The following KEAP1 variants were observed in gnomAD, a reference collection of about 807,000 sequenced individuals.
KEAP1 encodes the protein kelch like ECH associated protein 1.
A neutral mutation model predicts 59.7 loss-of-function variants in KEAP1; 26 were observed. That is an observed-to-expected ratio of 0.44 (90% CI 0.32 to 0.60). The LOEUF (loss-of-function observed/expected upper bound fraction) is 0.60. Ranked by LOEUF, KEAP1 falls within the 20% of genes least tolerant of loss-of-function variation. The pLI, the probability that KEAP1 is intolerant of heterozygous loss-of-function variation, is 0.06. For missense variants in KEAP1, 539 were observed against 871.4 expected (o/e 0.62, Z 4.80); for synonymous variants, 350 against 358.3 (o/e 0.98, Z 0.26).
chr19:10,492,279 T>A lies in KEAP1; in HGVS notation c.640-17A>T. ...CTTGGCCACCTGCAGAGGGCGACAG[T>A]GGGACGGGCTGACTCTCCAGTCACC... On this transcript the variant is annotated splice_polypyrimidine_tract_variant and intron_variant, in intron 2 of 5. Transcript: ENST00000171111. 1 of 1,593,378 alleles carries A rather than the reference T, an allele frequency of 6.3e-7. No homozygotes were observed. Among genetic ancestry groups the A allele is most frequent in the Non-Finnish European group, 8.6e-7 (1 of 1,165,228 alleles).
chr19:10,489,195 G>C lies in KEAP1; in HGVS notation c.1705C>G (p.Leu569Val), dbSNP rs1433112931. ...ITVHQGRIYV[L>V]GGYDGHTFLD... ...TTCCCCGCCCCCAGGGCCTCACCAA[G>C]GACGTAGATTCTCCCCTGGTGGACA... The change falls in exon 5 of 6, where the codon CTT (leucine) becomes GTT (valine). Residue 569 changes from leucine to valine, a missense_variant. By Grantham distance (32) the Leu-to-Val change is conservative. This residue lies in a region of KEAP1 where 311 missense variants were observed against 425.2 expected (regional missense o/e 0.73). Coordinates refer to ENST00000171111, the MANE Select transcript of KEAP1 (RefSeq NM_203500.2). 1 of 1,611,072 alleles carries C rather than the reference G, an allele frequency of 6.2e-7. No homozygotes were observed. Among genetic ancestry groups the C allele is most frequent in the Non-Finnish European group, 8.5e-7 (1 of 1,179,514 alleles).
Position 10,491,797 on chromosome 19 carries a change from C to T in KEAP1, c.1105G>A (p.Val369Met), listed in dbSNP as rs2144598978. The stretch of plus-strand genomic sequence containing the variant: ...ACGGCGTACAACAGCCCGCCCACCA[C>T]GCAGCCGGCCAGGCCGCTCCGCGGC... ...QVPRSGLAGC[V>M]VGGLLYAVGG... The change falls in exon 3 of 6, where the codon GTG becomes ATG. Residue 369 changes from valine (V) to methionine (M), a missense_variant. By Grantham distance (21) the Val-to-Met change is conservative (BLOSUM62 1). Coordinates refer to ENST00000171111, the MANE Select transcript of KEAP1 (RefSeq NM_203500.2). This position sits in a 1 kb window ranked among gnomAD's most constrained non-coding sequence, Gnocchi z 5.2. 6.3e-7 allele frequency: 1 copy of T among 1,590,528 alleles called. No individual in the cohort carries two copies. Among genetic ancestry groups the T allele is most frequent in the Non-Finnish European group, 8.6e-7 (1 of 1,168,854 alleles).
intron 3 of KEAP1, 86 bp from the exon 4 acceptor site, chr19:10,489,939 C>CT (rs879324601): frequency 0.011 from 12,903 of 1,143,678 alleles, 2 homozygotes; most frequent in Non-Finnish European, 0.013. Context: ...CTTTTTTTTC[C>CT]TTTTTTTTTT....
At chr19:10,487,549 G>A (rs1247015785) in intron 5 of KEAP1, among the ~76,000 whole-genome samples, 1 of 151,976 alleles carries the variant, frequency 6.6e-6, no homozygotes, top group African/African-American at 2.4e-5. Flanking sequence ...TCAGCTACCT[G>A]GGAGACTGAG....
At chr19:10,494,933 C>A (rs946849854) in intron 2 of KEAP1, among the ~76,000 whole-genome samples, 1 of 151,294 alleles carries the variant, frequency 6.6e-6, no homozygotes, top group African/African-American at 2.4e-5. Context: ...GGATTACAGG[C>A]GTGAGCCAAC....
chr19:10,493,563 T>C (rs1363166132), intron 2 of KEAP1, among the ~76,000 whole-genome samples: 1 of 142,374 alleles, frequency 7.0e-6, no homozygotes, highest in Non-Finnish European at 1.5e-5. Flanking sequence ...AACTCTTTTT[T>C]TTTTTTTTTT....
rs569540759 is a variant in KEAP1, at chr19:10,500,119, G to A, written c.-47-39C>T. 1.6e-5 allele frequency: 23 copies of A among 1,412,568 alleles called. No homozygotes were observed. In the South Asian group the frequency reaches 3.2e-4, roughly 20 times the overall value. 87.5% of individuals were successfully genotyped at this position (1,412,568 alleles called of 1,614,324 possible). A position where few individuals can be genotyped will look rare whatever the true frequency, so the allele number is the denominator to read the frequency against. ...AGCACAGGGCAGAGGGCAGGGGTTG[G>A]GACTGGGCCAGCACCTGCCGGGCCT... On this transcript the variant is annotated intron_variant, in intron 1 of 5. Coordinates refer to ENST00000171111, the MANE Select transcript of KEAP1 (RefSeq NM_203500.2).
chr19:10,488,682 T>C (rs1242958081), intron 5 of KEAP1, among the ~76,000 whole-genome samples: 3 of 151,388 alleles, frequency 2.0e-5, no homozygotes, highest in African/African-American at 7.3e-5. Flanking sequence ...CCTCTAATCC[T>C]AGCACTTTGG....
chr19:10,489,534 G>T, intron 4 of KEAP1, 114 bp downstream of exon 4: 1 of 1,318,726 alleles, frequency 7.6e-7, no homozygotes. Flanking sequence ...GGGCTTCTGT[G>T]GTTACCCCAG....
rs767802613 is a variant in KEAP1, at chr19:10,491,606, G to A, written c.1296C>T (p.His432=). The A allele has an allele frequency of 3.2e-6, 5 of 1,579,382 alleles. No individual in the cohort carries two copies. Among genetic ancestry groups the A allele is most frequent in the Admixed American group, 1.8e-5 (1 of 54,996 alleles). ...DGHIYAVGGS[H]GCIHHNSVER... ...CCACACTGTTGTGGTGGATGCAGCC[G>A]TGGGAGCCGCCGACGGCATAGATGT... is the stretch of plus-strand genomic sequence containing the variant. Residue 432 remains histidine (H), a synonymous_variant, in exon 3 of 6, where the codon CAC becomes CAT. Coordinates refer to ENST00000171111, the MANE Select transcript of KEAP1 (RefSeq NM_203500.2). This position sits in a 1 kb window ranked among gnomAD's most constrained non-coding sequence, Gnocchi z 5.2.
At chr19:10,492,448 G>A in intron 2 of KEAP1, 186 bp from the exon 3 acceptor site, 1 of 591,492 alleles carries the variant, frequency 1.7e-6, no homozygotes, top group East Asian at 2.9e-5. Context: ...GCCGGGCGCG[G>A]TGGCTCACGC....
In KEAP1 at chr19:10,500,047, A is replaced by T. The variant is rs1477937147; in HGVS notation, c.-14T>A. 11 of 1,534,180 alleles carry T rather than the reference A, an allele frequency of 7.2e-6. No homozygotes were observed. The South Asian group carries it at 1.4e-4, about 20-fold the overall frequency. The stretch of plus-strand genomic sequence containing the variant: ...ATCTGGCTGCATGGGGTTCCAGAAG[A>T]TAAGCAACACCACCACCTCTGGCAC... On this transcript the variant is annotated 5_prime_UTR_variant, in exon 2 of 6. Transcript: ENST00000171111.
Position 10,499,263 on chromosome 19 carries a change from C to T in KEAP1, c.639+132G>A. On this transcript the variant is annotated intron_variant, in intron 2 of 5. Transcript: ENST00000171111. The surrounding 1 kb of genome is among the most constrained non-coding windows in gnomAD (Gnocchi z 6.7). ...GCCCCTCAAACTGTGGAGACTACAC[C>T]ACCATACCCAGCCCAGAACCTCCTT... 2 of 853,260 alleles carry T rather than the reference C, an allele frequency of 2.3e-6. No individual in the cohort carries two copies. The highest frequency in any genetic ancestry group is 2.6e-5 in the Admixed American group (1 of 38,808). The allele number at this position is 853,260 out of a possible 1,614,324, so 52.9% of individuals were successfully genotyped here.
chr19:10,487,547 C>G (rs1914507151), intron 5 of KEAP1, among the ~76,000 whole-genome samples: 1 of 151,448 alleles, frequency 6.6e-6, no homozygotes, highest in Non-Finnish European at 1.5e-5. Context: ...TCTCAGCTAC[C>G]TGGGAGACTG....
rs1160646248 is a variant in KEAP1 at position 10,486,425 on chromosome 19, C to T, written c.*227G>A. On this transcript the variant is annotated 3_prime_UTR_variant, in exon 6 of 6. Transcript: ENST00000171111. ...CTGGAAGCCTGCTCTTTCCACACCC[C>T]CTTTCCCAGCCAGGCTGTCTTGGAC... 1 of 519,232 alleles carries T rather than the reference C, an allele frequency of 1.9e-6. No homozygotes were observed. Among genetic ancestry groups the T allele is most frequent in the Non-Finnish European group, 3.4e-6 (1 of 291,476 alleles). 32.2% of individuals were successfully genotyped at this position (519,232 alleles called of 1,614,324 possible).
intron 2 of KEAP1, among the ~76,000 whole-genome samples, chr19:10,498,340 T>C (rs1914927713): frequency 1.3e-5 from 2 of 151,616 alleles, no homozygotes; most frequent in African/African-American, 4.8e-5. Flanking sequence ...GCAGGGACTA[T>C]AGTCACATGC....
rs1356624458 is a variant in KEAP1 at position 10,489,198 on chromosome 19, C to T, written c.1702G>A (p.Val568Ile). ...CCCGCCCCCAGGGCCTCACCAAGGA[C>T]GTAGATTCTCCCCTGGTGGACAGTG... ...GITVHQGRIY[V>I]LGGYDGHTFL... Residue 568 changes from valine (V) to isoleucine (I), a missense_variant, in exon 5 of 6, where the codon GTC (valine) becomes ATC (isoleucine). Val to Ile is a conservative substitution (Grantham distance 29). Transcript: ENST00000171111. 21 of 1,611,180 alleles carry T rather than the reference C, an allele frequency of 1.3e-5. No individual in the cohort carries two copies. The highest frequency in any genetic ancestry group is 4.0e-5 in the African/African-American group (3 of 74,720).
At chr19:10,489,567 C>T (rs1241029285) in intron 4 of KEAP1, 81 bp downstream of exon 4, 1 of 1,503,486 alleles carries the variant, frequency 6.7e-7, no homozygotes, top group Non-Finnish European at 9.2e-7. Context: ...AACAGGGGGT[C>T]TCTCCCAGGC....
chr19:10,491,762 C>T lies in KEAP1; in HGVS notation c.1140G>A (p.Arg380=). The T allele has an allele frequency of 6.4e-7, 1 of 1,570,810 alleles. No homozygotes were observed. Among genetic ancestry groups the T allele is most frequent in the Non-Finnish European group, 8.6e-7 (1 of 1,157,586 alleles). Residue 380 remains arginine, a synonymous_variant, in exon 3 of 6, where the codon AGG becomes AGA. Transcript: ENST00000171111. The surrounding 1 kb of genome is among the most constrained non-coding windows in gnomAD (Gnocchi z 5.2). ...VGGLLYAVGG[R]NNSPDGNTDS... ...CGGTGTTGCCGTCGGGCGAGTTGTT[C>T]CTGCCGCCCACGGCGTACAACAGCC...
Sources: allele counts gnomAD v4.1 joint callset (sites outside exome capture counted in the v4.1 genomes callset), GRCh38; gene constraint gnomAD v4.1.1; regional missense constraint gnomAD v4.1.1; non-coding constraint Gnocchi (gnomAD v3.1); transcripts MANE v1.5; gene names NCBI Gene and HGNC (gene_info 2026-07-23, HGNC 2026-07-21).